Variants in ANKRD30A observed in about 807,000 individuals in gnomAD.
The protein encoded by ANKRD30A is ankyrin repeat domain-containing protein 30A.
A neutral mutation model predicts 166.3 loss-of-function variants in ANKRD30A; 170 were observed. The observed-to-expected ratio is 1.02, with a 90% CI of 0.90 to 1.16. The LOEUF is 1.16. Among genes scored for constraint, ANKRD30A ranks in the 50% most tolerant of loss-of-function variants. The pLI is 0.00. For synonymous variants in ANKRD30A, 564 were observed against 508.9 expected (o/e 1.11, Z -1.46); for missense variants, 1,630 against 1,518.0 (o/e 1.07, Z -1.23).
chr10:37,131,920 A>G (rs1221866713), intron 3 of ANKRD30A, among the ~76,000 whole-genome samples: 6 of 152,214 alleles, frequency 3.9e-5, no homozygotes, highest in South Asian at 4.1e-4. Context: ...ATTTACTACT[A>G]TGTCTTAGGG....
At chr10:37,163,357 GT>G (rs1839078028) in intron 17 of ANKRD30A, among the ~76,000 whole-genome samples, 1 of 49,706 alleles carries the variant, frequency 2.0e-5, no homozygotes, top group Non-Finnish European at 4.0e-5. Flanking sequence ...GTGCCTGCGT[GT>G]GCCTGTGTGT....
At chr10:37,194,124 A>C (rs1481426433) in intron 27 of ANKRD30A, among the ~76,000 whole-genome samples, 1 of 151,742 alleles carries the variant, frequency 6.6e-6, no homozygotes, top group Non-Finnish European at 1.5e-5. Flanking sequence ...TGAACGTAGG[A>C]GGCAGAAGTT....
chr10:37,130,225 G>C lies in ANKRD30A; in HGVS notation c.357G>C (p.Glu119Asp). 1 of 1,596,004 alleles carries C rather than the reference G, an allele frequency of 6.3e-7. No individual in the cohort carries two copies. ...PLMKALQCHQ[E>D]ACANILIDSG... The stretch of plus-strand genomic sequence containing the variant: ...GACAGGCTCTACAATGCCATCAGGA[G>C]GCTTGTGCAAATATTCTGATAGATT... The change falls in exon 3 of 36, where the codon GAG (glutamate) becomes GAC (aspartate). Residue 119 changes from glutamate to aspartate, a missense_variant. By Grantham distance (45) the Glu-to-Asp change is conservative. Around this residue, in one of 4 missense-constraint regions of ANKRD30A, gnomAD observed 904 missense variants for 818.5 expected, o/e 1.10. Coordinates refer to ENST00000361713, the MANE Select transcript of ANKRD30A (RefSeq NM_052997.3).
chr10:37,213,664 A>G (rs1054162890), intron 31 of ANKRD30A, among the ~76,000 whole-genome samples: 5 of 150,244 alleles, frequency 3.3e-5, no homozygotes, highest in Non-Finnish European at 5.9e-5. Context: ...GTGCTGTTGT[A>G]GATGCATTTT....
At chr10:37,163,098 A>G (rs1158124954) in intron 17 of ANKRD30A, among the ~76,000 whole-genome samples, 1 of 151,490 alleles carries the variant, frequency 6.6e-6, no homozygotes, top group East Asian at 1.9e-4. Flanking sequence ...AATGTTTTCT[A>G]TTTTGAACTT....
rs759867290 is a variant in ANKRD30A, at chr10:37,193,124, T to C, written c.2541+32T>C. The C allele has an allele frequency of 1.9e-5, 30 of 1,603,214 alleles. 1 individual carries two copies. The highest frequency in any genetic ancestry group is 6.7e-5 in the East Asian group (3 of 44,694). ...ACTTTTATATTTTTATCTTGAGTAT[T>C]AACTACATATTTTATGAAGTATACA... On this transcript the variant is annotated intron_variant, in intron 26 of 35. Transcript: ENST00000361713.
intron 25 of ANKRD30A, among the ~76,000 whole-genome samples, 164 bp from the exon 26 acceptor site, chr10:37,192,900 T>C (rs1840716349): frequency 6.6e-6 from 1 of 152,086 alleles, no homozygotes; most frequent in Non-Finnish European, 1.5e-5. Flanking sequence ...TTCTGTCACG[T>C]TGGCATGATA....
chr10:37,138,713 C>A (rs1210942767), intron 6 of ANKRD30A, among the ~76,000 whole-genome samples: 1 of 152,156 alleles, frequency 6.6e-6, no homozygotes, highest in Non-Finnish European at 1.5e-5. Flanking sequence ...GCCTCCAAGA[C>A]ATATGGGGCT....
At chr10:37,192,328 G>A (rs1014313289) in intron 25 of ANKRD30A, among the ~76,000 whole-genome samples, 6 of 151,988 alleles carry the variant, frequency 3.9e-5, no homozygotes, top group Non-Finnish European at 5.9e-5. Flanking sequence ...ACAGGCATGA[G>A]CCACTGCACC....
chr10:37,264,553 A>G, the ANKRD30A span: 13 of 465,142 alleles, frequency 2.8e-5, no homozygotes, highest in Non-Finnish European at 4.2e-5. Flanking sequence ...CTGTCTGGGG[A>G]AGCATGCTGA....
the ANKRD30A span, chr10:37,240,894 C>T: frequency 6.6e-6 from 1 of 152,190 alleles, no homozygotes; most frequent in East Asian, 1.9e-4. Context: ...AGCGGATTAT[C>T]TCATCTTCAT....
At chr10:37,238,606 C>T in the ANKRD30A span, among the ~76,000 whole-genome samples, 1 of 152,054 alleles carries the variant, frequency 6.6e-6, no homozygotes. Context: ...TGATATTTAC[C>T]TAATCAAATT....
intron 15 of ANKRD30A, among the ~76,000 whole-genome samples, chr10:37,159,323 C>T (rs150708890): frequency 0.02 from 3,063 of 152,120 alleles, 48 homozygotes; most frequent in Middle Eastern, 0.031. Context: ...CCCAGACCAG[C>T]CTGGTCAAAT....
rs562016705 is a variant in ANKRD30A, at chr10:37,156,390, C to A, written c.1799-2002C>A. 2.6e-5 allele frequency among the ~76,000 whole-genome samples: 4 copies of A among 151,892 alleles called. No homozygotes were observed. In the East Asian group the frequency reaches 7.8e-4, roughly 29 times the overall value. On this transcript the variant is annotated intron_variant, in intron 13 of 35. Coordinates refer to ENST00000361713, the MANE Select transcript of ANKRD30A (RefSeq NM_052997.3). The stretch of plus-strand genomic sequence containing the variant: ...TAAAAATAAAAGTAATAAAAAAAAA[C>A]TAAGGTGGTATTTTCCTACCCGGTT...
chr10:37,131,122 A>G (rs370357221), intron 3 of ANKRD30A, among the ~76,000 whole-genome samples: 1 of 151,798 alleles, frequency 6.6e-6, no homozygotes, highest in Non-Finnish European at 1.5e-5. Flanking sequence ...TTTTTAGATT[A>G]ATCATGGTTA....
At chr10:37,245,702 C>G in the ANKRD30A span, among the ~76,000 whole-genome samples, 1 of 152,062 alleles carries the variant, frequency 6.6e-6, no homozygotes, top group Non-Finnish European at 1.5e-5. Flanking sequence ...TCTGCTCAGT[C>G]TTATCTGGCT....
intron 17 of ANKRD30A, 110 bp from the exon 18 acceptor site, chr10:37,164,984 C>A (rs1432156602): frequency 1.7e-6 from 2 of 1,161,536 alleles, no homozygotes; most frequent in Non-Finnish European, 1.3e-6. Flanking sequence ...AACATATGGG[C>A]CACAGAGGAA....
chr10:37,228,320 A>G (rs542874644), intron 34 of ANKRD30A, among the ~76,000 whole-genome samples: 2 of 152,002 alleles, frequency 1.3e-5, no homozygotes, highest in Admixed American at 6.6e-5. Context: ...ATATAGACAA[A>G]CTTGAAGTAC....
Position 37,231,626 on chromosome 10 carries a change from T to C in ANKRD30A, c.*157T>C, listed in dbSNP as rs1843416602. On this transcript the variant is annotated 3_prime_UTR_variant, in exon 35 of 36. Coordinates refer to ENST00000361713, the MANE Select transcript of ANKRD30A (RefSeq NM_052997.3). ...TTATTTTAGAAGAAAAATTCATGATTTCTTCCTGAAGCCTACAGACATAAA... is the reference window on the plus strand; with the variant it reads ...TTATTTTAGAAGAAAAATTCATGATCTCTTCCTGAAGCCTACAGACATAAA... 1 of 469,216 alleles carries C rather than the reference T, an allele frequency of 2.1e-6. No individual in the cohort carries two copies. The highest frequency in any genetic ancestry group is 2.0e-5 in the African/African-American group (1 of 49,166). The allele number at this position is 469,216 out of a possible 1,614,324, so 29.1% of individuals were successfully genotyped here.
Sources: allele counts gnomAD v4.1 joint callset (sites outside exome capture counted in the v4.1 genomes callset), GRCh38; gene constraint gnomAD v4.1.1; regional missense constraint gnomAD v4.1.1; transcripts MANE v1.5; gene names NCBI Gene and HGNC (gene_info 2026-07-23, HGNC 2026-07-21).